PRDM6: variants seen among roughly 807,000 people sequenced by gnomAD.
The protein encoded by PRDM6 is putative histone-lysine N-methyltransferase PRDM6.
PRDM6 carries 25 observed loss-of-function variants against 60.8 expected under a neutral mutation model. The ratio of observed to expected loss-of-function variants is 0.41; its 90% CI spans 0.30 to 0.57. The LOEUF (loss-of-function observed/expected upper bound fraction) is 0.57, where lower values mean the gene tolerates loss of function less well. Ranked by LOEUF, PRDM6 falls within the 20% of genes least tolerant of loss-of-function variation. The pLI is 0.27. For missense variants in PRDM6, 839 were observed against 821.3 expected (o/e 1.02, Z -0.26); for synonymous variants, 407 against 357.4 (o/e 1.14, Z -1.57).
chr5:123,098,997 G>A (rs1380466292), intron 2 of PRDM6, among the ~76,000 whole-genome samples: 1 of 151,110 alleles, frequency 6.6e-6, no homozygotes, highest in Non-Finnish European at 1.5e-5. Flanking sequence ...GGAGGCAGTC[G>A]AGGAAGCCTC....
At chr5:123,158,539 A>C (rs1478791598) in intron 4 of PRDM6, among the ~76,000 whole-genome samples, 1 of 152,222 alleles carries the variant, frequency 6.6e-6, no homozygotes, top group African/African-American at 2.4e-5. Context: ...CAATATTGAG[A>C]ATCTGCACTT....
At chr5:123,163,074 G>GCTT (rs58972771) in intron 5 of PRDM6, among the ~76,000 whole-genome samples, 31,465 of 151,900 alleles carry the variant, frequency 0.21, 3,843 homozygotes, top group African/African-American at 0.34. Flanking sequence ...CTAAAAAGAA[G>GCTT]CTTGAGATCA....
At chr5:123,100,813 C>T (rs1367185135) in intron 3 of PRDM6, among the ~76,000 whole-genome samples, 2 of 152,206 alleles carry the variant, frequency 1.3e-5, no homozygotes, top group African/African-American at 4.8e-5. Context: ...AGGTTCACTT[C>T]TGAAGAGATA....
intron 3 of PRDM6, among the ~76,000 whole-genome samples, chr5:123,117,445 A>G (rs953822800): frequency 1.3e-5 from 2 of 152,014 alleles, no homozygotes; most frequent in Non-Finnish European, 2.9e-5. Context: ...AGTGGCTTCT[A>G]CTTCCGAAAA....
At position 123,090,505 on chromosome 5, in the gene PRDM6, C is replaced by G. The variant is rs1763807751; in HGVS notation, c.491C>G (p.Pro164Arg). The stretch of plus-strand genomic sequence containing the variant: ...GGCGGCGGGGAGGGTCGCGGCGCCC[C>G]GCGCTTCCGCTGCAGCGCAGAGGAG... ...GGGGGEGRGA[P>R]RFRCSAEELD... The change falls in exon 2 of 8, where the codon CCG (proline) becomes CGG (arginine). Residue 164 changes from proline to arginine, a missense_variant. By Grantham distance (103) the Pro-to-Arg change is moderately radical. Transcript: ENST00000407847. The G allele has an allele frequency of 6.7e-7, 1 of 1,490,296 alleles. No homozygotes were observed. Among genetic ancestry groups the G allele is most frequent in the Non-Finnish European group, 8.9e-7 (1 of 1,128,804 alleles). The allele number at this position is 1,490,296 out of a possible 1,614,324, so 92.3% of individuals were successfully genotyped here. A position where few individuals can be genotyped will look rare whatever the true frequency, so the allele number is the denominator to read the frequency against.
At chr5:123,105,652 C>T (rs1181146923) in intron 3 of PRDM6, among the ~76,000 whole-genome samples, 1 of 152,172 alleles carries the variant, frequency 6.6e-6, no homozygotes, top group Non-Finnish European at 1.5e-5. Context: ...CTAAAGAACC[C>T]TATATGTAGA....
intron 5 of PRDM6, among the ~76,000 whole-genome samples, chr5:123,165,926 T>A (rs335212): frequency 0.12 from 18,202 of 152,148 alleles, 1,598 homozygotes; most frequent in African/African-American, 0.24. Context: ...AGTTCCTTAA[T>A]ATGGTAGCCT....
chr5:123,183,640 G>C (rs1275077834), intron 7 of PRDM6, among the ~76,000 whole-genome samples: 1 of 152,214 alleles, frequency 6.6e-6, no homozygotes, highest in African/African-American at 2.4e-5. Context: ...GAAGGTCTTG[G>C]CTTTCAATTT....
rs1298320752 is a variant in PRDM6 at position 123,189,878 on chromosome 5, TTTAATC to T, written c.*2679_*2684del. 1 of 152,198 alleles carries T rather than the reference TTTAATC, an allele frequency of 6.6e-6. No homozygotes were observed. The highest frequency in any genetic ancestry group is 2.4e-5 in the African/African-American group (1 of 41,450). 9.4% of individuals were successfully genotyped at this position (152,198 alleles called of 1,614,324 possible). On this transcript the variant is annotated 3_prime_UTR_variant, in exon 8 of 8. Coordinates refer to ENST00000407847, the MANE Select transcript of PRDM6 (RefSeq NM_001136239.4). ...TGAGATCATTTGGGTCCAAAATGATTTTAATCTAAGTGTATGCTGGGGAGGAGGTTT... is the reference window on the plus strand; with the variant it reads ...TGAGATCATTTGGGTCCAAAATGATTTAAGTGTATGCTGGGGAGGAGGTTT...
At chr5:123,173,907 C>G (rs1035780920) in intron 6 of PRDM6, among the ~76,000 whole-genome samples, 1 of 152,228 alleles carries the variant, frequency 6.6e-6, no homozygotes, top group Non-Finnish European at 1.5e-5. Flanking sequence ...AATTTCTTAA[C>G]CACATGGGTG....
chr5:123,153,937 G>T (rs1431740641), intron 3 of PRDM6, among the ~76,000 whole-genome samples: 1 of 152,106 alleles, frequency 6.6e-6, no homozygotes, highest in Non-Finnish European at 1.5e-5. Flanking sequence ...CCTGTGGAAG[G>T]TTTATTCTTG....
chr5:123,166,915 C>T (rs1765765518), intron 5 of PRDM6, among the ~76,000 whole-genome samples: 1 of 152,212 alleles, frequency 6.6e-6, no homozygotes, highest in African/African-American at 2.4e-5. Flanking sequence ...CTCAATATTG[C>T]TTCTTGCAGA....
intron 3 of PRDM6, among the ~76,000 whole-genome samples, chr5:123,147,620 C>T (rs1479384922): frequency 6.6e-6 from 1 of 152,170 alleles, no homozygotes; most frequent in African/African-American, 2.4e-5. Flanking sequence ...AGTACAACAT[C>T]AAAGAGGGCG....
intron 6 of PRDM6, among the ~76,000 whole-genome samples, chr5:123,175,506 G>A (rs1248274569): frequency 1.3e-5 from 2 of 152,310 alleles, no homozygotes; most frequent in African/African-American, 4.8e-5. Context: ...TCCCCCAAGT[G>A]TGAAGGTTAT....
At position 123,112,826 on chromosome 5, in the gene PRDM6, CTTT is replaced by C. The variant is rs934907888; in HGVS notation, c.900+12867_900+12869del. On this transcript the variant is annotated intron_variant, in intron 3 of 7. Transcript: ENST00000407847. The stretch of plus-strand genomic sequence containing the variant: ...TTTTTTTTTGCTATGCTGTATTCTT[CTTT>C]TATTTCATGTGTGCAAATTTAAATT... 1.4e-4 allele frequency among the ~76,000 whole-genome samples: 8 copies of C among 55,844 alleles called. No individual in the cohort carries two copies. In the Admixed American group the frequency reaches 1.7e-3, roughly 12 times the overall value. The allele number at this position is 55,844 out of a possible 152,430, so 36.6% of individuals were successfully genotyped here.
intron 3 of PRDM6, among the ~76,000 whole-genome samples, chr5:123,148,070 C>T (rs1765287014): frequency 6.6e-6 from 1 of 152,332 alleles, no homozygotes; most frequent in East Asian, 1.9e-4. Context: ...GCTTTGCAAA[C>T]AACACCACAG....
chr5:123,185,262 C>T (rs950893657), intron 7 of PRDM6, among the ~76,000 whole-genome samples: 4 of 152,074 alleles, frequency 2.6e-5, no homozygotes, highest in Non-Finnish European at 5.9e-5. Context: ...TCATTTCTCA[C>T]AATTGTTCAA....
At chr5:123,143,240 CAGA>C (rs1381435501) in intron 3 of PRDM6, among the ~76,000 whole-genome samples, 1 of 151,520 alleles carries the variant, frequency 6.6e-6, no homozygotes, top group Non-Finnish European at 1.5e-5. Flanking sequence ...ACCTTCTTCC[CAGA>C]AGGTTACTCA....
In PRDM6 at chr5:123,099,138, C is replaced by G. The variant is rs866041527; in HGVS notation, c.593-516C>G. Among the ~76,000 whole-genome samples, 1 of 152,136 alleles carries G rather than the reference C, an allele frequency of 6.6e-6. No individual in the cohort carries two copies. ...AAAAGAGGAAAGCTGAATACCCAGA[C>G]GACCAGTATAGAATCTCTTCGAGAC... On this transcript the variant is annotated intron_variant, in intron 2 of 7. Coordinates refer to ENST00000407847, the MANE Select transcript of PRDM6 (RefSeq NM_001136239.4). The surrounding 1 kb of genome is among the most constrained non-coding windows in gnomAD (Gnocchi z 4.0).
Sources: allele counts gnomAD v4.1 joint callset (sites outside exome capture counted in the v4.1 genomes callset), GRCh38; gene constraint gnomAD v4.1.1; non-coding constraint Gnocchi (gnomAD v3.1); transcripts MANE v1.5; gene names NCBI Gene and HGNC (gene_info 2026-07-23, HGNC 2026-07-21).